Variants in HDAC9 observed in about 807,000 individuals in gnomAD.
The protein encoded by HDAC9 is MEF-2 interacting transcription repressor (MITR) protein.
HDAC9 carries 41 observed loss-of-function variants against 139.4 expected under a neutral mutation model. The observed-to-expected ratio is 0.29, with a 90% CI of 0.23 to 0.38. The LOEUF (loss-of-function observed/expected upper bound fraction) is 0.38, where lower values mean the gene tolerates loss of function less well. Among genes scored for constraint, HDAC9 ranks in the 10% least tolerant of loss-of-function variants. The probability of loss-of-function intolerance (pLI) is 1.00; values close to 1 mark genes in which losing one functional copy is unlikely to be tolerated. For synonymous variants in HDAC9, 517 were observed against 476.2 expected, an observed-to-expected ratio of 1.09 and a Z score of -1.12; for missense variants, 1,147 against 1,297.0, an observed-to-expected ratio of 0.88 and a Z score of 1.78.
In HDAC9 at chr7:18,881,144, A is replaced by G. The variant is rs192379495; in HGVS notation, c.2803+6548A>G. 2.0e-3 allele frequency among the ~76,000 whole-genome samples: 301 copies of G among 152,280 alleles called. 1 individual carries two copies. Among genetic ancestry groups the G allele is most frequent in the South Asian group, 5.6e-3 (27 of 4,832 alleles). On this transcript the variant is annotated intron_variant, in intron 22 of 25. Coordinates refer to ENST00000686413, the MANE Select transcript of HDAC9 (RefSeq NM_178425.4). Reference sequence around the variant, plus strand: ...AATGCCAAGAAACAAACTGATAAATACACAAGGCCATGTTGTCTACGTCTT... The same window carrying G: ...AATGCCAAGAAACAAACTGATAAATGCACAAGGCCATGTTGTCTACGTCTT...
In HDAC9 at chr7:18,755,682, A is replaced by T. The variant is rs376562373; in HGVS notation, c.2044-6475A>T. On this transcript the variant is annotated intron_variant, in intron 14 of 25. Coordinates refer to ENST00000686413, the MANE Select transcript of HDAC9 (RefSeq NM_178425.4). ...TTCTTGCTTTCTGGTGAGGACAGTG[A>T]TTTGAAATAGGTGGAAGTAAAACTT... Among the ~76,000 whole-genome samples, 23 of 152,202 alleles carry T rather than the reference A, an allele frequency of 1.5e-4. No individual in the cohort carries two copies. The South Asian group carries it at 2.5e-3, about 16-fold the overall frequency.
At chr7:18,756,590 A>G (rs1317925887) in intron 14 of HDAC9, among the ~76,000 whole-genome samples, 3 of 152,228 alleles carry the variant, frequency 2.0e-5, no homozygotes, top group Non-Finnish European at 4.4e-5. Context: ...TTGCATTTCT[A>G]TTGCGTGTAA....
chr7:18,687,535 A>G (rs1288042055), intron 12 of HDAC9, among the ~76,000 whole-genome samples: 1 of 151,812 alleles, frequency 6.6e-6, no homozygotes, highest in Non-Finnish European at 1.5e-5. Flanking sequence ...TGAATTTTGC[A>G]TTCTTTTATT....
intron 2 of HDAC9, among the ~76,000 whole-genome samples, chr7:18,192,836 GT>G (rs1378354809): frequency 6.6e-6 from 1 of 152,118 alleles, no homozygotes; most frequent in Non-Finnish European, 1.5e-5. Flanking sequence ...AGATAAGCAT[GT>G]TTCTATATAT....
intron 22 of HDAC9, among the ~76,000 whole-genome samples, chr7:18,904,382 T>C (rs1415142507): frequency 6.6e-6 from 1 of 152,078 alleles, no homozygotes; most frequent in Non-Finnish European, 1.5e-5. Flanking sequence ...AATGATAAAG[T>C]GTGTGTGACA....
At chr7:18,704,088 C>G (rs1783701894) in intron 12 of HDAC9, among the ~76,000 whole-genome samples, 1 of 152,182 alleles carries the variant, frequency 6.6e-6, no homozygotes, top group Non-Finnish European at 1.5e-5. Context: ...TACCATGTAA[C>G]TGGCATTTGC....
intron 1 of HDAC9, among the ~76,000 whole-genome samples, chr7:18,150,510 TATAA>T (rs1786698153): frequency 6.6e-6 from 1 of 152,232 alleles, no homozygotes; most frequent in Non-Finnish European, 1.5e-5. Context: ...AAAGCATGAT[TATAA>T]AAATAATAAC....
At chr7:18,803,534 T>G (rs1033192950) in intron 17 of HDAC9, among the ~76,000 whole-genome samples, 3 of 152,192 alleles carry the variant, frequency 2.0e-5, no homozygotes, top group African/African-American at 7.2e-5. Context: ...CCCTCATTCT[T>G]GAAAGACAGC....
chr7:18,298,393 G>A (rs911698344), intron 1 of HDAC9, among the ~76,000 whole-genome samples: 4 of 151,438 alleles, frequency 2.6e-5, no homozygotes, highest in Non-Finnish European at 5.9e-5. Flanking sequence ...CCAGTAACTC[G>A]TCATCTAGCA....
intron 1 of HDAC9, among the ~76,000 whole-genome samples, chr7:18,460,742 C>G (rs939966455): frequency 6.8e-6 from 1 of 146,128 alleles, no homozygotes. Context: ...GAGCTGAGAT[C>G]GCGCCATTGC....
chr7:18,586,466 A>C (rs1829494278), intron 3 of HDAC9, among the ~76,000 whole-genome samples: 1 of 152,072 alleles, frequency 6.6e-6, no homozygotes, highest in African/African-American at 2.4e-5. Flanking sequence ...ATGTTATCTC[A>C]TACTTTATTG....
chr7:18,950,840 T>A (rs1237625113), intron 23 of HDAC9, among the ~76,000 whole-genome samples: 3 of 151,966 alleles, frequency 2.0e-5, no homozygotes, highest in Non-Finnish European at 1.5e-5. Flanking sequence ...TACAGAAATA[T>A]TAAAATACTT....
intron 21 of HDAC9, among the ~76,000 whole-genome samples, chr7:18,869,547 A>G (rs1370515024): frequency 6.6e-6 from 1 of 152,082 alleles, no homozygotes; most frequent in Admixed American, 6.6e-5. Context: ...TAAATTACCC[A>G]GTCTCAGGTA....
chr7:18,874,221 T>C (rs1332430975), intron 21 of HDAC9, among the ~76,000 whole-genome samples: 1 of 148,226 alleles, frequency 6.7e-6, no homozygotes, highest in Non-Finnish European at 1.5e-5. Flanking sequence ...CTTTAGAATG[T>C]ACCTGCAAAG....
chr7:18,557,505 CAT>C (rs982175573), intron 2 of HDAC9, among the ~76,000 whole-genome samples: 1 of 150,536 alleles, frequency 6.6e-6, no homozygotes, highest in African/African-American at 2.4e-5. Context: ...GAGATATAAA[CAT>C]AATATTTCAT....
rs147049392 is a variant in HDAC9 at position 18,977,919 on chromosome 7, G to GACACACACAC, written c.3170+1998_3170+2007dup. 2.0e-3 allele frequency among the ~76,000 whole-genome samples: 276 copies of GACACACACAC among 141,020 alleles called. 1 individual carries two copies. Among genetic ancestry groups the GACACACACAC allele is most frequent in the Middle Eastern group, 7.1e-3 (2 of 282 alleles). 92.5% of individuals were successfully genotyped at this position (141,020 alleles called of 152,430 possible). A position where few individuals can be genotyped will look rare whatever the true frequency, so the allele number is the denominator to read the frequency against. On this transcript the variant is annotated intron_variant, in intron 25 of 25. Transcript: ENST00000686413. ...GAATTTCCTCAGAGACAGACAGACA[G>GACACACACAC]ACACACACACACACACACACACACA...
Position 19,000,290 on chromosome 7 carries a change from C to T in HDAC9, c.*4228C>T, listed in dbSNP as rs931781230. 2.6e-5 allele frequency: 4 copies of T among 152,202 alleles called. No individual in the cohort carries two copies. The highest frequency in any genetic ancestry group is 5.9e-5 in the Non-Finnish European group (4 of 68,028). The allele number at this position is 152,202 out of a possible 1,614,324, so 9.4% of individuals were successfully genotyped here. ...TTATAATGTATCTTGTCACCTTCAT[C>T]AACACCACCATTAAATATGTAAGTT... On this transcript the variant is annotated 3_prime_UTR_variant, in exon 26 of 26. Coordinates refer to ENST00000686413, the MANE Select transcript of HDAC9 (RefSeq NM_178425.4).
At chr7:18,776,794 T>C (rs1160346617) in intron 16 of HDAC9, among the ~76,000 whole-genome samples, 1 of 151,858 alleles carries the variant, frequency 6.6e-6, no homozygotes, top group East Asian at 1.9e-4. Context: ...ATAAGATCCA[T>C]ACTGAGGGTG....
intron 17 of HDAC9, among the ~76,000 whole-genome samples, chr7:18,818,068 T>C (rs141079427): frequency 6.6e-6 from 1 of 152,238 alleles, no homozygotes; most frequent in Admixed American, 6.5e-5. Flanking sequence ...CATGCGAATT[T>C]TGAATTCAGC....
Sources: allele counts gnomAD v4.1 joint callset (sites outside exome capture counted in the v4.1 genomes callset), GRCh38; gene constraint gnomAD v4.1.1; transcripts MANE v1.5; gene names NCBI Gene and HGNC (gene_info 2026-07-23, HGNC 2026-07-21).